ELSPBP1: variants seen among roughly 807,000 people sequenced by gnomAD.
ELSPBP1 encodes the protein epididymal sperm-binding protein 1.
ELSPBP1 carries 38 observed loss-of-function variants against 33.3 expected under a neutral mutation model. The ratio of observed to expected loss-of-function variants is 1.14; its 90% confidence interval spans 0.88 to 1.50. The LOEUF (loss-of-function observed/expected upper bound fraction) is 1.50. ELSPBP1 is among the 40% of genes most tolerant of loss of function. The pLI is 0.00. For missense variants in ELSPBP1, 267 were observed against 263.5 expected (o/e 1.01, Z -0.09); for synonymous variants, 85 against 94.1 (o/e 0.90, Z 0.56).
chr19:48,011,098 G>A lies in ELSPBP1; in HGVS notation c.70+2361G>A, dbSNP rs536720651. Among the ~76,000 whole-genome samples the A allele has an allele frequency of 1.3e-4, 19 of 151,976 alleles. No homozygotes were observed. The highest frequency in any genetic ancestry group is 4.2e-4 in the South Asian group (2 of 4,814). Reference sequence around the variant, plus strand: ...CGGTAATGATGACAACAATAATAGCGACAATGACAATGATGATGGTGACAG... The same window carrying A: ...CGGTAATGATGACAACAATAATAGCAACAATGACAATGATGATGGTGACAG... On this transcript the variant is annotated intron_variant, in intron 2 of 6. Coordinates refer to ENST00000339841, the MANE Select transcript of ELSPBP1 (RefSeq NM_022142.5). This position sits in a 1 kb window ranked among gnomAD's most constrained non-coding sequence, Gnocchi z 4.5.
intron 1 of ELSPBP1, among the ~76,000 whole-genome samples, chr19:47,998,744 G>T (rs1019551875): frequency 1.4e-5 from 2 of 141,700 alleles, no homozygotes; most frequent in Non-Finnish European, 3.0e-5. Context: ...CCGAGATCGC[G>T]CCACTGCATT....
chr19:48,010,513 C>T (rs1245232120), intron 2 of ELSPBP1, among the ~76,000 whole-genome samples: 1 of 152,072 alleles, frequency 6.6e-6, no homozygotes, highest in Non-Finnish European at 1.5e-5. Context: ...TCACAGTAAT[C>T]GGGAGTTATA....
intron 5 of ELSPBP1, among the ~76,000 whole-genome samples, chr19:48,020,087 T>C (rs962590929): frequency 3.3e-5 from 5 of 152,086 alleles, no homozygotes; most frequent in African/African-American, 1.2e-4. Flanking sequence ...GGTGCCAAAA[T>C]GAAATGCTCA....
At chr19:47,998,695 G>C (rs1966936433) in intron 1 of ELSPBP1, among the ~76,000 whole-genome samples, 1 of 151,430 alleles carries the variant, frequency 6.6e-6, no homozygotes, top group Non-Finnish European at 1.5e-5. Flanking sequence ...GCTGAGGCAG[G>C]AGAATGGCGT....
chr19:48,016,040 G>T lies in ELSPBP1; in HGVS notation c.355+1G>T, dbSNP rs768818411. ...CAGTGGAAATTCTGTGAAACGAATG[G>T]TGAGCCCCTGTAGCAGGGATGGGAT... On this transcript the variant is annotated splice_donor_variant, in intron 4 of 6. Transcript: ENST00000339841. LOFTEE classifies it high-confidence loss of function. The T allele has an allele frequency of 6.2e-7, 1 of 1,612,974 alleles. No homozygotes were observed.
chr19:48,003,842 G>A (rs369711881), intron 1 of ELSPBP1, among the ~76,000 whole-genome samples: 2 of 150,364 alleles, frequency 1.3e-5, no homozygotes, highest in African/African-American at 4.9e-5. Flanking sequence ...TACCGTGTCC[G>A]GCCCACTCCT....
chr19:48,016,148 G>A, intron 4 of ELSPBP1, 109 bp downstream of exon 4: 3 of 1,306,756 alleles, frequency 2.3e-6, no homozygotes, highest in Non-Finnish European at 3.2e-6. Flanking sequence ...CCAGGGGGAA[G>A]TACTTACAGG....
At chr19:48,022,384 A>G (rs1413258161) in intron 6 of ELSPBP1, 50 bp downstream of exon 6, 1 of 1,521,582 alleles carries the variant, frequency 6.6e-7, no homozygotes, top group Non-Finnish European at 8.9e-7. Context: ...GAGGTGAGAC[A>G]GGTGCACAAC....
intron 1 of ELSPBP1, among the ~76,000 whole-genome samples, chr19:48,003,703 A>ATT (rs35103928): frequency 0.4 from 56,280 of 141,432 alleles, 11,399 homozygotes; most frequent in Non-Finnish European, 0.44. Flanking sequence ...CGCCCAGCTA[A>ATT]TTTTTTTTTT....
At chr19:48,006,992 T>C (rs1967027217) in intron 1 of ELSPBP1, among the ~76,000 whole-genome samples, 1 of 152,172 alleles carries the variant, frequency 6.6e-6, no homozygotes, top group African/African-American at 2.4e-5. Flanking sequence ...TGGTGCCACC[T>C]ACCTGTGGGA....
chr19:47,995,995 G>T (rs1966908786), intron 1 of ELSPBP1, among the ~76,000 whole-genome samples: 1 of 152,198 alleles, frequency 6.6e-6, no homozygotes, highest in Admixed American at 6.5e-5. Context: ...ACTACCAGTT[G>T]TATCTGCCAT....
At chr19:48,015,489 C>T (rs1182181457) in intron 3 of ELSPBP1, among the ~76,000 whole-genome samples, 2 of 152,076 alleles carry the variant, frequency 1.3e-5, no homozygotes, top group Admixed American at 1.3e-4. Flanking sequence ...CACCCCATCT[C>T]TACTAAAAAT....
At chr19:48,014,407 C>T in intron 3 of ELSPBP1, 99 bp downstream of exon 3, 1 of 1,393,536 alleles carries the variant, frequency 7.2e-7, no homozygotes, top group Non-Finnish European at 9.7e-7. Context: ...TTTTTGCAGA[C>T]AAACGGTAAT....
intron 5 of ELSPBP1, among the ~76,000 whole-genome samples, chr19:48,021,863 C>T (rs554724404): frequency 6.6e-6 from 1 of 152,222 alleles, no homozygotes; most frequent in African/African-American, 2.4e-5. Context: ...CCTCCTGCCT[C>T]AACCTCCCGA....
At chr19:48,022,092 G>A (rs1967206769) in intron 5 of ELSPBP1, 78 bp from the exon 6 acceptor site, 1 of 1,359,042 alleles carries the variant, frequency 7.4e-7, no homozygotes, top group Non-Finnish European at 1.0e-6. Context: ...GAAATCTAGG[G>A]TGGGCCTGAA....
chr19:48,003,695 C>A (rs890846808), intron 1 of ELSPBP1, among the ~76,000 whole-genome samples: 1 of 139,444 alleles, frequency 7.2e-6, no homozygotes, highest in Non-Finnish European at 1.6e-5. Flanking sequence ...TGCTACCACG[C>A]CCAGCTAATT....
At chr19:48,016,515 TCTTTCTTTCTTTC>T in intron 4 of ELSPBP1, among the ~76,000 whole-genome samples, 1 of 71,282 alleles carries the variant, frequency 1.4e-5, no homozygotes, top group Middle Eastern at 7.8e-3. Context: ...TTTCTTTCTT[TCTTTCTTTCTTTC>T]TTCCTTCCTT....
chr19:48,024,462 T>C (rs1438735636), intron 6 of ELSPBP1, among the ~76,000 whole-genome samples: 3 of 152,176 alleles, frequency 2.0e-5, no homozygotes, highest in Non-Finnish European at 4.4e-5. Context: ...CCCTGGTGGT[T>C]CTAGCAATGT....
Position 48,011,582 on chromosome 19 carries a change from A to T in ELSPBP1, c.71-2589A>T, listed in dbSNP as rs1967080046. Among the ~76,000 whole-genome samples the T allele has an allele frequency of 6.7e-6, 1 of 149,614 alleles. No homozygotes were observed. Among genetic ancestry groups the T allele is most frequent in the Non-Finnish European group, 1.5e-5 (1 of 67,434 alleles). ...ACAATGATGATCATCATCACATGAT[A>T]ATGACAATAATGAGGTGGATTATGA... is the stretch of plus-strand genomic sequence containing the variant. On this transcript the variant is annotated intron_variant, in intron 2 of 6. Coordinates refer to ENST00000339841, the MANE Select transcript of ELSPBP1 (RefSeq NM_022142.5). The surrounding 1 kb of genome is among the most constrained non-coding windows in gnomAD (Gnocchi z 4.5).
Sources: allele counts gnomAD v4.1 joint callset (sites outside exome capture counted in the v4.1 genomes callset), GRCh38; gene constraint gnomAD v4.1.1; non-coding constraint Gnocchi (gnomAD v3.1); transcripts MANE v1.5; gene names NCBI Gene and HGNC (gene_info 2026-07-23, HGNC 2026-07-21).